The following TOX3 variants were observed in gnomAD, a reference collection of about 807,000 sequenced individuals.
The protein encoded by TOX3 is TOX high mobility group box family member 3.
A neutral mutation model predicts 64.3 loss-of-function variants in TOX3; 22 were observed. The ratio of observed to expected loss-of-function variants is 0.34; its 90% CI spans 0.24 to 0.49. The LOEUF is 0.49. Among genes scored for constraint, TOX3 ranks in the 20% least tolerant of loss-of-function variants. The probability of loss-of-function intolerance (pLI) is 0.99; values close to 1 mark genes in which losing one functional copy is unlikely to be tolerated. For synonymous variants in TOX3, 291 were observed against 273.6 expected (o/e 1.06, Z -0.63); for missense variants, 661 against 714.4 (o/e 0.93, Z 0.85).
At chr16:52,535,613 G>A (rs1228616176) in intron 1 of TOX3, among the ~76,000 whole-genome samples, 4 of 152,250 alleles carry the variant, frequency 2.6e-5, no homozygotes, top group East Asian at 1.9e-4. Flanking sequence ...CATTTAAGAC[G>A]TTGCTGTTCA....
intron 1 of TOX3, among the ~76,000 whole-genome samples, chr16:52,505,752 A>G (rs958204012): frequency 6.6e-6 from 1 of 152,208 alleles, no homozygotes; most frequent in Non-Finnish European, 1.5e-5. Context: ...CGAGGCAGGC[A>G]GATCACTTAA....
At position 52,486,689 on chromosome 16, in the gene TOX3, T is replaced by C. The variant is rs189435923; in HGVS notation, c.88-18115A>G. Among the ~76,000 whole-genome samples, 108 of 152,288 alleles carry C rather than the reference T, an allele frequency of 7.1e-4. 1 individual carries two copies. The Middle Eastern group carries it at 0.014, about 19-fold the overall frequency. On this transcript the variant is annotated intron_variant, in intron 1 of 6. Coordinates refer to ENST00000219746, the MANE Select transcript of TOX3 (RefSeq NM_001080430.4). Reference sequence around the variant, plus strand: ...CCTCATGCCTGTAATCCCAGCACTTTGGGAGACCTAGGCAGGAGAATCAGC... The same window carrying C: ...CCTCATGCCTGTAATCCCAGCACTTCGGGAGACCTAGGCAGGAGAATCAGC...
intron 1 of TOX3, among the ~76,000 whole-genome samples, chr16:52,513,331 T>G (rs1270795334): frequency 1.3e-5 from 2 of 152,224 alleles, no homozygotes; most frequent in African/African-American, 2.4e-5. Flanking sequence ...TATGGTATAT[T>G]CATCACAAAG....
intron 1 of TOX3, among the ~76,000 whole-genome samples, chr16:52,532,199 T>G (rs1471385924): frequency 2.0e-5 from 3 of 152,210 alleles, no homozygotes; most frequent in Non-Finnish European, 4.4e-5. Flanking sequence ...TCCACACCTC[T>G]GTCTATCCAT....
chr16:52,512,398 A>G (rs1962334979), intron 1 of TOX3, among the ~76,000 whole-genome samples: 1 of 152,210 alleles, frequency 6.6e-6, no homozygotes, highest in African/African-American at 2.4e-5. Context: ...ACTTGACTCC[A>G]GAGATAATCC....
intron 1 of TOX3, among the ~76,000 whole-genome samples, chr16:52,539,121 A>C (rs1963022642): frequency 1.3e-5 from 2 of 152,192 alleles, no homozygotes; most frequent in African/African-American, 4.8e-5. Flanking sequence ...ATCCAAAACA[A>C]ATGTGTCTTC....
intron 1 of TOX3, among the ~76,000 whole-genome samples, chr16:52,534,413 G>A (rs965478025): frequency 6.6e-6 from 1 of 152,114 alleles, no homozygotes; most frequent in African/African-American, 2.4e-5. Context: ...CATGGCGAGA[G>A]GATCACTTGA....
At chr16:52,492,476 T>C (rs1961715053) in intron 1 of TOX3, among the ~76,000 whole-genome samples, 1 of 121,172 alleles carries the variant, frequency 8.3e-6, no homozygotes, top group Admixed American at 8.9e-5. Context: ...TGATGACCAA[T>C]TTATATATAT....
intron 1 of TOX3, among the ~76,000 whole-genome samples, chr16:52,477,017 T>C (rs1961226950): frequency 1.3e-5 from 2 of 152,174 alleles, no homozygotes; most frequent in Non-Finnish European, 2.9e-5. Flanking sequence ...ATGTACATGT[T>C]TGTTACATGG....
At chr16:52,502,137 A>G (rs929557368) in intron 1 of TOX3, among the ~76,000 whole-genome samples, 4 of 152,234 alleles carry the variant, frequency 2.6e-5, no homozygotes, top group African/African-American at 9.6e-5. Context: ...GCACTGTAAG[A>G]CAAACAGCTA....
intron 3 of TOX3, among the ~76,000 whole-genome samples, chr16:52,450,990 T>C (rs974747909): frequency 6.6e-6 from 1 of 152,228 alleles, no homozygotes; most frequent in African/African-American, 2.4e-5. Context: ...TAGTTTACCA[T>C]CCTTCTCAAA....
chr16:52,485,500 G>A (rs530520276), intron 1 of TOX3, among the ~76,000 whole-genome samples: 1 of 152,012 alleles, frequency 6.6e-6, no homozygotes, highest in East Asian at 1.9e-4. Context: ...GTTGGGGGGT[G>A]ATGAAGGTTG....
At chr16:52,466,889 A>T (rs545333779) in intron 2 of TOX3, among the ~76,000 whole-genome samples, 1 of 152,232 alleles carries the variant, frequency 6.6e-6, no homozygotes, top group Non-Finnish European at 1.5e-5. Flanking sequence ...ATCTGAGATT[A>T]TAAAAAAATA....
rs752361708 is a variant in TOX3, at chr16:52,519,444, C to T, written c.87+27193G>A. ...GTTATCAGGTAATGAAGTCTCTCCT[C>T]AATGCGCCTGGCTCCCGAGCGAGGT... On this transcript the variant is annotated intron_variant, in intron 1 of 6. Transcript: ENST00000219746. The T allele has an allele frequency of 3.2e-6, 5 of 1,551,610 alleles. No individual in the cohort carries two copies. In the South Asian group the frequency reaches 3.6e-5, roughly 11 times the overall value.
At chr16:52,503,987 C>T (rs1333878678) in intron 1 of TOX3, among the ~76,000 whole-genome samples, 1 of 152,202 alleles carries the variant, frequency 6.6e-6, no homozygotes, top group Admixed American at 6.5e-5. Context: ...AGAATCATCA[C>T]TTTCATATTC....
chr16:52,519,449 C>A (rs937378835), intron 1 of TOX3: 3 of 1,551,526 alleles, frequency 1.9e-6, no homozygotes, highest in East Asian at 2.4e-5. Flanking sequence ...CTCCTCAATG[C>A]GCCTGGCTCC....
chr16:52,463,882 A>C (rs1458030968), intron 3 of TOX3, 52 bp downstream of exon 3: 2 of 1,473,834 alleles, frequency 1.4e-6, no homozygotes, highest in African/African-American at 2.9e-5. Context: ...GATCTTTACT[A>C]TGATTTGTGC....
rs371636369 is a variant in TOX3 at position 52,439,200 on chromosome 16, G to A, written c.*25C>T. On this transcript the variant is annotated 3_prime_UTR_variant, in exon 7 of 7. Transcript: ENST00000219746. ...TCCTATGCCACTCTCCTTGGTATAC[G>A]CAAATCCGTCTGCCATATGCGTCTT... 17 of 1,613,484 alleles carry A rather than the reference G, an allele frequency of 1.1e-5. No individual in the cohort carries two copies. Among genetic ancestry groups the A allele is most frequent in the African/African-American group, 5.3e-5 (4 of 75,002 alleles).
At chr16:52,523,861 G>A (rs1006176342) in intron 1 of TOX3, among the ~76,000 whole-genome samples, 6 of 152,012 alleles carry the variant, frequency 3.9e-5, no homozygotes, top group African/African-American at 1.4e-4. Flanking sequence ...TAAATGAATT[G>A]TGACTTTTAT....
Sources: allele counts gnomAD v4.1 joint callset (sites outside exome capture counted in the v4.1 genomes callset), GRCh38; gene constraint gnomAD v4.1.1; transcripts MANE v1.5; gene names NCBI Gene and HGNC (gene_info 2026-07-23, HGNC 2026-07-21).